Variants in SVEP1 observed in about 807,000 individuals in gnomAD.
The protein encoded by SVEP1 is sushi, von Willebrand factor type A, EGF and pentraxin domain-containing protein 1.
Under a neutral mutation model 367.3 loss-of-function variants are expected in SVEP1, and 164 were observed. The observed-to-expected ratio is 0.45, with a 90% confidence interval of 0.39 to 0.51. The LOEUF (loss-of-function observed/expected upper bound fraction) is 0.51. Among genes scored for constraint, SVEP1 ranks in the 20% least tolerant of loss-of-function variants. The pLI is 0.00. For synonymous variants in SVEP1, 1,666 were observed against 1,611.6 expected (o/e 1.03, Z -0.81); for missense variants, 4,117 against 4,425.3 (o/e 0.93, Z 1.98).
At chr9:110,415,896 T>C (rs35026607) in intron 36 of SVEP1, among the ~76,000 whole-genome samples, 10,319 of 152,092 alleles carry the variant, frequency 0.068, 489 homozygotes, top group Non-Finnish European at 0.094. Flanking sequence ...ATAGAAAATA[T>C]AGCTTCGGAG....
In SVEP1 at chr9:110,503,865, C is replaced by T. The variant is rs145318667; in HGVS notation, c.1304-648G>A. Among the ~76,000 whole-genome samples the T allele has an allele frequency of 5.6e-3, 848 of 152,188 alleles. 7 individuals are homozygous for T. The highest frequency in any genetic ancestry group is 6.1e-3 in the Non-Finnish European group (416 of 68,010). On this transcript the variant is annotated intron_variant, in intron 5 of 47. Transcript: ENST00000374469. ...TTTATTTTTGCTGCTGTGGTAGAGG[C>T]TTATAGTTGCCCACCCAATAGCCAT...
Position 110,436,495 on chromosome 9 carries a change from G to A in SVEP1, c.4649C>T (p.Ala1550Val), listed in dbSNP as rs544713872. Residue 1550 changes from alanine to valine, a missense_variant, in exon 28 of 48, where the codon GCG (alanine) becomes GTG (valine). Coordinates refer to ENST00000374469, the MANE Select transcript of SVEP1 (RefSeq NM_153366.4). ...GTCTTGCTCTTGCCCCAGAACTAAC[G>A]CACCACCACCTAAGGAGAGAGAAAG... ...SVGLPIPGGG[A>V]LVLGQEQDKK... The A allele has an allele frequency of 1.3e-5, 21 of 1,613,498 alleles. No homozygotes were observed. Among genetic ancestry groups the A allele is most frequent in the African/African-American group, 1.1e-4 (8 of 74,980 alleles).
rs1828690690 is a variant in SVEP1, at chr9:110,451,365, G to A, written c.3825C>T (p.Ser1275=). 2 of 1,613,638 alleles carry A rather than the reference G, an allele frequency of 1.2e-6. No individual in the cohort carries two copies. The highest frequency in any genetic ancestry group is 1.7e-6 in the Non-Finnish European group (2 of 1,179,708). The change falls in exon 23 of 48, where the codon TCC becomes TCT. Residue 1275 remains serine (S), a synonymous_variant. Transcript: ENST00000374469. The stretch of plus-strand genomic sequence containing the variant: ...AGATTCCTTTATTTAAACAAGGACT[G>A]GAGCTACACTCATTTATATTTTCTT... ...RCEENINECS[S]SPCLNKGICV... is the part of the protein sequence containing the mutation.
chr9:110,542,475 C>T lies in SVEP1; in HGVS notation c.964+3640G>A, dbSNP rs139063839. On this transcript the variant is annotated intron_variant, in intron 3 of 47. Transcript: ENST00000374469. ...TTCAGAATGAAATTTAACATCCTCT[C>T]CTTAAGTAATAAAACAGCTATCGTC... Among the ~76,000 whole-genome samples the T allele has an allele frequency of 3.6e-3, 544 of 152,278 alleles. 4 individuals are homozygous for T. The highest frequency in any genetic ancestry group is 0.013 in the African/African-American group (524 of 41,550).
At chr9:110,489,218 A>T (rs753988819) in intron 9 of SVEP1, among the ~76,000 whole-genome samples, 1 of 152,202 alleles carries the variant, frequency 6.6e-6, no homozygotes, top group Non-Finnish European at 1.5e-5. Flanking sequence ...ATAAAGGAGA[A>T]GTGGTCTCTG....
intron 1 of SVEP1, among the ~76,000 whole-genome samples, chr9:110,569,683 G>C (rs921784388): frequency 6.6e-6 from 1 of 152,004 alleles, no homozygotes; most frequent in Non-Finnish European, 1.5e-5. Context: ...TATTTATCTT[G>C]TGGAATTAAA....
chr9:110,530,371 C>T (rs56142863), intron 3 of SVEP1, among the ~76,000 whole-genome samples: 19,170 of 151,916 alleles, frequency 0.13, 1,588 homozygotes, highest in East Asian at 0.35. Context: ...CTTGGTTGGA[C>T]GTTAGGGACA....
In SVEP1 at chr9:110,371,602, T is replaced by C. The variant is rs1215721250; in HGVS notation, c.10601-1586A>G. ...TCACAGTCCTCTCAGACTCAGCGTG[T>C]CCATACTTAACTCCTTATCTCTACT... is the stretch of plus-strand genomic sequence containing the variant. On this transcript the variant is annotated intron_variant, in intron 46 of 47. Coordinates refer to ENST00000374469, the MANE Select transcript of SVEP1 (RefSeq NM_153366.4). 2.6e-5 allele frequency among the ~76,000 whole-genome samples: 4 copies of C among 152,186 alleles called. No individual in the cohort carries two copies. In the East Asian group the frequency reaches 7.7e-4, roughly 29 times the overall value.
rs1024755282 is a variant in SVEP1, at chr9:110,486,634, T to C, written c.1931-2941A>G. Among the ~76,000 whole-genome samples the C allele has an allele frequency of 8.4e-5, 9 of 106,880 alleles. No homozygotes were observed. The Admixed American group carries it at 8.6e-4, about 10-fold the overall frequency. 70.1% of individuals were successfully genotyped at this position (106,880 alleles called of 152,430 possible). ...GCTTCATCTTCCTTCTCCTTCCTTC[T>C]CTTTCTCTCTCTCTCTCTCTCTTTT... On this transcript the variant is annotated intron_variant, in intron 9 of 47. Coordinates refer to ENST00000374469, the MANE Select transcript of SVEP1 (RefSeq NM_153366.4).
chr9:110,390,317 ATATATACTTATATATACACATACT>A (rs1410223754), intron 40 of SVEP1, among the ~76,000 whole-genome samples: 4 of 104,796 alleles, frequency 3.8e-5, no homozygotes, highest in East Asian at 6.8e-4. Context: ...AAGTATGTGT[ATATATACTTATATATACACATACT>A]TATATACACT....
At position 110,579,324 on chromosome 9, in the gene SVEP1, G is replaced by A. The variant is rs1394010386; in HGVS notation, c.220C>T (p.Leu74=). ...AGGCGCTCGCTGAGCTCCCGCAGCA[G>A]CCGCACGCGTCGCCGGAACGCCTGG... ...LGQAFRRRVR[L]LRELSERLEL... Residue 74 remains leucine, a synonymous_variant, in exon 1 of 48, where the codon CTG becomes TTG. Coordinates refer to ENST00000374469, the MANE Select transcript of SVEP1 (RefSeq NM_153366.4). This position sits in a 1 kb window ranked among gnomAD's most constrained non-coding sequence, Gnocchi z 5.3. 2 of 1,559,920 alleles carry A rather than the reference G, an allele frequency of 1.3e-6. No homozygotes were observed. The highest frequency in any genetic ancestry group is 1.4e-5 in the African/African-American group (1 of 73,542).
chr9:110,570,642 A>G (rs1027990487), intron 1 of SVEP1, among the ~76,000 whole-genome samples: 1 of 152,084 alleles, frequency 6.6e-6, no homozygotes, highest in African/African-American at 2.4e-5. Context: ...CACCACTCCC[A>G]TCTAAATTTT....
At chr9:110,435,193 C>T (rs773761362) in intron 29 of SVEP1, 48 bp downstream of exon 29, 8 of 1,601,976 alleles carry the variant, frequency 5.0e-6, no homozygotes, top group Non-Finnish European at 6.8e-6. Context: ...TAGACAGTCC[C>T]AGGGTGGTCA....
At chr9:110,431,793 G>A in intron 32 of SVEP1, 122 bp downstream of exon 32, 1 of 1,282,540 alleles carries the variant, frequency 7.8e-7, no homozygotes, top group South Asian at 1.3e-5. Context: ...TATCTTATCT[G>A]CCTACCTGTA....
intron 37 of SVEP1, among the ~76,000 whole-genome samples, chr9:110,409,936 G>A (rs1828020858): frequency 6.6e-6 from 1 of 152,078 alleles, no homozygotes; most frequent in South Asian, 2.1e-4. Flanking sequence ...CATCTAATCT[G>A]TGTTGTTAAA....
chr9:110,511,183 T>A (rs1829705438), intron 5 of SVEP1, among the ~76,000 whole-genome samples: 1 of 151,954 alleles, frequency 6.6e-6, no homozygotes, highest in African/African-American at 2.4e-5. Context: ...GTTTTTAATA[T>A]TTTTTTTGTG....
At chr9:110,542,761 A>G (rs1037922267) in intron 3 of SVEP1, among the ~76,000 whole-genome samples, 16 of 137,116 alleles carry the variant, frequency 1.2e-4, no homozygotes, top group African/African-American at 3.8e-4. Context: ...TGGATTTTAA[A>G]GGGGCTCACT....
At chr9:110,547,312 C>T (rs1398540851) in intron 2 of SVEP1, among the ~76,000 whole-genome samples, 2 of 152,172 alleles carry the variant, frequency 1.3e-5, no homozygotes, top group African/African-American at 2.4e-5. Context: ...GACACTGGAC[C>T]ACAGGTTTAT....
At chr9:110,385,735 A>G (rs1049580012) in intron 43 of SVEP1, among the ~76,000 whole-genome samples, 163 bp downstream of exon 43, 1 of 152,242 alleles carries the variant, frequency 6.6e-6, no homozygotes. Context: ...TTTGAAATTC[A>G]AAGATTAAAA....
Sources: allele counts gnomAD v4.1 joint callset (sites outside exome capture counted in the v4.1 genomes callset), GRCh38; gene constraint gnomAD v4.1.1; non-coding constraint Gnocchi (gnomAD v3.1); transcripts MANE v1.5; gene names NCBI Gene and HGNC (gene_info 2026-07-23, HGNC 2026-07-21).